The following SLC24A2 variants were observed in gnomAD, a reference collection of about 807,000 sequenced individuals.
SLC24A2 encodes solute carrier family 24 member 2.
In SLC24A2, 36 loss-of-function variants were observed where a neutral mutation model predicts 62.0. The observed-to-expected ratio is 0.58, with a 90% CI of 0.44 to 0.77. The LOEUF (loss-of-function observed/expected upper bound fraction) is 0.77, where lower values mean the gene tolerates loss of function less well. Among genes scored for constraint, SLC24A2 ranks in the 30% least tolerant of loss-of-function variants. The probability of loss-of-function intolerance (pLI) is 0.00; values close to 1 mark genes in which losing one functional copy is unlikely to be tolerated. For synonymous variants in SLC24A2, 358 were observed against 294.0 expected (o/e 1.22, Z -2.23); for missense variants, 846 against 817.9 (o/e 1.03, Z -0.42).
At chr9:19,926,164 T>A in the SLC24A2 span, 1 of 152,256 alleles carries the variant, frequency 6.6e-6, no homozygotes, top group Non-Finnish European at 1.5e-5. Context: ...TCACTAAGCA[T>A]GACCACTAGA....
chr9:19,520,660 G>T (rs1213638341), intron 10 of SLC24A2, among the ~76,000 whole-genome samples: 1 of 151,810 alleles, frequency 6.6e-6, no homozygotes, highest in East Asian at 1.9e-4. Context: ...TACCCATTCT[G>T]TATGTAGGTA....
At chr9:20,235,233 A>C in the SLC24A2 span, among the ~76,000 whole-genome samples, 1 of 152,168 alleles carries the variant, frequency 6.6e-6, no homozygotes, top group African/African-American at 2.4e-5. Flanking sequence ...TACTGGGAGA[A>C]CCATGCTCTC....
chr9:20,065,833 A>C, the SLC24A2 span, among the ~76,000 whole-genome samples: 1 of 152,164 alleles, frequency 6.6e-6, no homozygotes, highest in East Asian at 1.9e-4. Flanking sequence ...AAACATGTTC[A>C]GCCTTTTAGC....
chr9:20,156,618 G>C, the SLC24A2 span, among the ~76,000 whole-genome samples: 2 of 151,600 alleles, frequency 1.3e-5, no homozygotes, highest in Non-Finnish European at 3.0e-5. Context: ...CAGTAATTCA[G>C]AAAAAGGGAA....
chr9:19,669,255 G>T (rs1393321288), intron 2 of SLC24A2, among the ~76,000 whole-genome samples: 2 of 152,132 alleles, frequency 1.3e-5, no homozygotes, highest in African/African-American at 4.8e-5. Context: ...GTGGAACACA[G>T]CTCCCTTGTG....
chr9:19,971,953 C>T, the SLC24A2 span, among the ~76,000 whole-genome samples: 2 of 152,110 alleles, frequency 1.3e-5, no homozygotes, highest in Non-Finnish European at 2.9e-5. Context: ...ATTAAGTGAC[C>T]TTTGTCCTTT....
intron 8 of SLC24A2, among the ~76,000 whole-genome samples, chr9:19,529,780 T>TTAAAAAAGATGGAGC (rs1406473624): frequency 1.0e-4 from 15 of 147,850 alleles, no homozygotes; most frequent in African/African-American, 3.7e-4. Context: ...AGATGGAGTC[T>TTAAAAAAGATGGAGC]CACTCGGTCA....
Position 19,514,583 on chromosome 9 carries a change from T to TG in SLC24A2, c.*1569dup, listed in dbSNP as rs893199784. 3 of 152,130 alleles carry TG rather than the reference T, an allele frequency of 2.0e-5. No homozygotes were observed. Among genetic ancestry groups the TG allele is most frequent in the African/African-American group, 4.8e-5 (2 of 41,416 alleles). 9.4% of individuals were successfully genotyped at this position (152,130 alleles called of 1,614,324 possible). On this transcript the variant is annotated 3_prime_UTR_variant, in exon 11 of 11. Transcript: ENST00000341998. ...AACACACAAGGTGTCATACAGAACT[T>TG]GGGGGCGTGGAATATTTTAATTTCA...
At chr9:20,223,136 T>C in the SLC24A2 span, among the ~76,000 whole-genome samples, 2 of 151,936 alleles carry the variant, frequency 1.3e-5, no homozygotes, top group Non-Finnish European at 2.9e-5. Flanking sequence ...CAAAAAAAGA[T>C]GCCACTCTAA....
At chr9:20,281,706 G>C in the SLC24A2 span, among the ~76,000 whole-genome samples, 1 of 152,124 alleles carries the variant, frequency 6.6e-6, no homozygotes, top group African/African-American at 2.4e-5. Flanking sequence ...TCTCATAGTA[G>C]ATCCATTCAT....
the SLC24A2 span, among the ~76,000 whole-genome samples, chr9:20,299,309 G>A: frequency 6.6e-6 from 1 of 152,238 alleles, no homozygotes; most frequent in Non-Finnish European, 1.5e-5. Flanking sequence ...ATGTGGGAAA[G>A]GAGCTTGGGG....
At chr9:19,731,858 T>A (rs1412877595) in intron 2 of SLC24A2, among the ~76,000 whole-genome samples, 1 of 152,232 alleles carries the variant, frequency 6.6e-6, no homozygotes, top group Non-Finnish European at 1.5e-5. Context: ...TCACACATAC[T>A]GGAACTGTGT....
chr9:20,146,011 T>C, the SLC24A2 span, among the ~76,000 whole-genome samples: 14 of 152,142 alleles, frequency 9.2e-5, no homozygotes, highest in Admixed American at 4.6e-4. Flanking sequence ...TAAATAATTA[T>C]AATATCTTTT....
At chr9:20,095,953 G>T in the SLC24A2 span, among the ~76,000 whole-genome samples, 1 of 152,002 alleles carries the variant, frequency 6.6e-6, no homozygotes, top group African/African-American at 2.4e-5. Context: ...CAGTATGGGG[G>T]AAACCACCTC....
the SLC24A2 span, among the ~76,000 whole-genome samples, chr9:19,796,440 T>C: frequency 8.5e-5 from 13 of 152,362 alleles, no homozygotes; most frequent in African/African-American, 3.1e-4. Context: ...GTACTCATTC[T>C]AGGAATTTTC....
chr9:20,124,680 A>C, the SLC24A2 span, among the ~76,000 whole-genome samples: 3 of 152,134 alleles, frequency 2.0e-5, no homozygotes, highest in African/African-American at 7.2e-5. Flanking sequence ...TGCCCTATGC[A>C]CTAGACTTTT....
intron 2 of SLC24A2, among the ~76,000 whole-genome samples, chr9:19,708,238 G>C (rs1487325844): frequency 6.6e-6 from 1 of 152,076 alleles, no homozygotes; most frequent in African/African-American, 2.4e-5. Flanking sequence ...ACAAACCACT[G>C]CTCAAGGAAA....
At chr9:19,903,411 G>A in the SLC24A2 span, among the ~76,000 whole-genome samples, 1 of 152,128 alleles carries the variant, frequency 6.6e-6, no homozygotes, top group African/African-American at 2.4e-5. Flanking sequence ...CATTCATCTA[G>A]ATCTAATTAT....
chr9:20,124,261 G>T, the SLC24A2 span, among the ~76,000 whole-genome samples: 2 of 151,790 alleles, frequency 1.3e-5, no homozygotes, highest in South Asian at 4.2e-4. Context: ...AGTAGGAAAG[G>T]GAGAAGGGCT....
Sources: allele counts gnomAD v4.1 joint callset (sites outside exome capture counted in the v4.1 genomes callset), GRCh38; gene constraint gnomAD v4.1.1; transcripts MANE v1.5; gene names NCBI Gene and HGNC (gene_info 2026-07-23, HGNC 2026-07-21).